The following RSPO3 variants were observed in gnomAD, a reference collection of about 807,000 sequenced individuals.
RSPO3 encodes R-spondin-3.
In RSPO3, 17 loss-of-function variants were observed where a neutral mutation model predicts 36.5. That is an observed-to-expected ratio of 0.47 (90% CI 0.32 to 0.70). The LOEUF is 0.70. RSPO3 is among the 30% of genes least tolerant of loss of function. RSPO3 has a pLI of 0.04. For synonymous variants in RSPO3, 108 were observed against 107.0 expected, an observed-to-expected ratio of 1.01 and a Z score of -0.06; for missense variants, 294 against 322.5, an observed-to-expected ratio of 0.91 and a Z score of 0.68.
At chr6:127,191,924 T>C (rs922235318) in intron 4 of RSPO3, among the ~76,000 whole-genome samples, 4 of 152,212 alleles carry the variant, frequency 2.6e-5, no homozygotes, top group African/African-American at 7.2e-5. Context: ...ATTCTATATA[T>C]AGACTCTGAT....
intron 1 of RSPO3, among the ~76,000 whole-genome samples, chr6:127,136,399 A>G (rs1774157470): frequency 6.6e-6 from 1 of 152,146 alleles, no homozygotes; most frequent in Non-Finnish European, 1.5e-5. Context: ...CACATGCCGT[A>G]CTCTCATCAA....
rs763763163 is a variant in RSPO3, at chr6:127,197,101, G to A, written c.*1094G>A. On this transcript the variant is annotated 3_prime_UTR_variant, in exon 5 of 5. Transcript: ENST00000356698. ...GAAATTCTTACTCTTAGAGACTCAT[G>A]AATTAAGAAAGAGAATTCTGCTAAC... 1.5e-4 allele frequency: 32 copies of A among 214,560 alleles called. No individual in the cohort carries two copies. The highest frequency in any genetic ancestry group is 2.8e-4 in the Non-Finnish European group (30 of 106,544). The allele number at this position is 214,560 out of a possible 1,614,324, so 13.3% of individuals were successfully genotyped here.
chr6:127,148,145 C>T (rs1295168007), intron 1 of RSPO3, among the ~76,000 whole-genome samples: 1 of 151,936 alleles, frequency 6.6e-6, no homozygotes, highest in African/African-American at 2.4e-5. Context: ...TCAAGTTAAG[C>T]CCTAATGTAC....
intron 4 of RSPO3, among the ~76,000 whole-genome samples, chr6:127,193,543 C>T (rs917752731): frequency 4.6e-5 from 7 of 152,070 alleles, no homozygotes; most frequent in Non-Finnish European, 7.4e-5. Flanking sequence ...ACAATTTTTT[C>T]GAGTTGAACT....
intron 1 of RSPO3, among the ~76,000 whole-genome samples, chr6:127,124,616 A>G (rs1351993566): frequency 1.3e-5 from 2 of 151,258 alleles, no homozygotes; most frequent in Non-Finnish European, 3.0e-5. Context: ...TTGCTTTCTT[A>G]ATTAGAGATT....
chr6:127,130,309 T>TA (rs1774025597), intron 1 of RSPO3, among the ~76,000 whole-genome samples: 1 of 152,182 alleles, frequency 6.6e-6, no homozygotes, highest in Non-Finnish European at 1.5e-5. Context: ...ACACTGTCCT[T>TA]ACAGTGGTAA....
intron 4 of RSPO3, among the ~76,000 whole-genome samples, chr6:127,171,792 G>C (rs1411271902): frequency 6.6e-6 from 1 of 151,562 alleles, no homozygotes; most frequent in Non-Finnish European, 1.5e-5. Flanking sequence ...GAGCTTGGGA[G>C]AACTACTCTG....
In RSPO3 at chr6:127,150,443, G is replaced by A; in HGVS notation, c.307G>A (p.Asp103Asn). The change falls in exon 3 of 5, where the codon GAT (aspartate) becomes AAT (asparagine). Residue 103 changes from aspartate to asparagine, a missense_variant. Coordinates refer to ENST00000356698, the MANE Select transcript of RSPO3 (RefSeq NM_032784.5). Reference sequence around the variant, plus strand: ...TCTTTCAGAATGCAAAGCTGACTGTGATACCTGTTTCAACAAAAATTTCTG... The same window carrying A: ...TCTTTCAGAATGCAAAGCTGACTGTAATACCTGTTTCAACAAAAATTTCTG... ...NKCTKCKADC[D>N]TCFNKNFCTK... is the part of the protein sequence containing the mutation. 4 of 1,611,620 alleles carry A rather than the reference G, an allele frequency of 2.5e-6. No homozygotes were observed. Among genetic ancestry groups the A allele is most frequent in the Non-Finnish European group, 3.4e-6 (4 of 1,178,938 alleles).
rs1391983740 is a variant in RSPO3, at chr6:127,196,612, AC to A, written c.*607del. 3 of 152,214 alleles carry A rather than the reference AC, an allele frequency of 2.0e-5. No homozygotes were observed. Among genetic ancestry groups the A allele is most frequent in the African/African-American group, 7.2e-5 (3 of 41,456 alleles). 9.4% of individuals were successfully genotyped at this position (152,214 alleles called of 1,614,324 possible). ...AAGAGTGCATACCAGAATTGAATATACCATATGGGATTGGAGAAAGACAAAT... is the reference window on the plus strand; with the variant it reads ...AAGAGTGCATACCAGAATTGAATATACATATGGGATTGGAGAAAGACAAAT... On this transcript the variant is annotated 3_prime_UTR_variant, in exon 5 of 5. Coordinates refer to ENST00000356698, the MANE Select transcript of RSPO3 (RefSeq NM_032784.5).
chr6:127,120,012 T>TA (rs1388921497), intron 1 of RSPO3: 1 of 152,468 alleles, frequency 6.6e-6, no homozygotes, highest in East Asian at 1.9e-4. Flanking sequence ...TGAGCGTCTG[T>TA]ACCATCTCTG....
chr6:127,144,476 T>TACC (rs1366032268), intron 1 of RSPO3, among the ~76,000 whole-genome samples: 12 of 152,146 alleles, frequency 7.9e-5, no homozygotes, highest in African/African-American at 4.8e-5. Context: ...ATAAGGCAAT[T>TACC]ACCACAGTTA....
chr6:127,160,404 G>C (rs1335032672), intron 4 of RSPO3, among the ~76,000 whole-genome samples: 1 of 152,136 alleles, frequency 6.6e-6, no homozygotes, highest in Non-Finnish European at 1.5e-5. Context: ...AGGGTTCTTG[G>C]CTTAGCCCAG....
chr6:127,194,309 T>C (rs1195684760), intron 4 of RSPO3, among the ~76,000 whole-genome samples: 2 of 152,174 alleles, frequency 1.3e-5, no homozygotes, highest in Admixed American at 6.5e-5. Context: ...TTGTCAAAAG[T>C]TACTTATTTT....
intron 4 of RSPO3, among the ~76,000 whole-genome samples, chr6:127,189,165 A>G (rs981121368): frequency 5.3e-5 from 8 of 152,080 alleles, no homozygotes; most frequent in African/African-American, 1.9e-4. Context: ...CAAACTATCC[A>G]GGTCATCTTC....
chr6:127,133,080 GA>G (rs1179432825), intron 1 of RSPO3, among the ~76,000 whole-genome samples: 1 of 151,948 alleles, frequency 6.6e-6, no homozygotes, highest in African/African-American at 2.4e-5. Flanking sequence ...ACAGACATAG[GA>G]TTTTTTTAAT....
At chr6:127,179,123 A>C (rs530548793) in intron 4 of RSPO3, among the ~76,000 whole-genome samples, 1 of 152,014 alleles carries the variant, frequency 6.6e-6, no homozygotes, top group South Asian at 2.1e-4. Flanking sequence ...ATTGACAGAA[A>C]AATATACCAA....
At chr6:127,180,495 A>G (rs1053235959) in intron 4 of RSPO3, among the ~76,000 whole-genome samples, 45 of 148,086 alleles carry the variant, frequency 3.0e-4, no homozygotes, top group African/African-American at 1.1e-3. Context: ...AACAAAAAAA[A>G]AAAAAAAAAA....
chr6:127,186,435 T>G (rs1775296509), intron 4 of RSPO3, among the ~76,000 whole-genome samples: 1 of 152,102 alleles, frequency 6.6e-6, no homozygotes, highest in African/African-American at 2.4e-5. Context: ...ATTTTGAGAA[T>G]GAAAGATGGA....
rs1214188099 is a variant in RSPO3 at position 127,132,650 on chromosome 6, A to G, written c.97+13361A>G. Among the ~76,000 whole-genome samples, 4 of 152,050 alleles carry G rather than the reference A, an allele frequency of 2.6e-5. No individual in the cohort carries two copies. The East Asian group carries it at 7.7e-4, about 29-fold the overall frequency. Reference sequence around the variant, plus strand: ...CTGGTATCCATATTATTATGATTCAAAAACTACTAAAAGGGATAACTGCTG... The same window carrying G: ...CTGGTATCCATATTATTATGATTCAGAAACTACTAAAAGGGATAACTGCTG... On this transcript the variant is annotated intron_variant, in intron 1 of 4. Transcript: ENST00000356698.
Sources: allele counts gnomAD v4.1 joint callset (sites outside exome capture counted in the v4.1 genomes callset), GRCh38; gene constraint gnomAD v4.1.1; transcripts MANE v1.5; gene names NCBI Gene and HGNC (gene_info 2026-07-23, HGNC 2026-07-21).